NBAS: variants seen among roughly 807,000 people sequenced by gnomAD.
NBAS encodes the protein NAG/BC035112 fusion.
NBAS carries 219 observed loss-of-function variants against 302.5 expected under a neutral mutation model. The ratio of observed to expected loss-of-function variants is 0.72; its 90% confidence interval spans 0.65 to 0.81. NBAS has a LOEUF of 0.81. NBAS is among the 30% of genes least tolerant of loss of function. The probability of loss-of-function intolerance (pLI) is 0.00; values close to 1 mark genes in which losing one functional copy is unlikely to be tolerated. For missense variants in NBAS, 2,932 were observed against 2,841.6 expected (o/e 1.03, Z -0.72); for synonymous variants, 1,118 against 1,021.6 (o/e 1.09, Z -1.80).
chr2:15,547,629 C>T lies in NBAS; in HGVS notation c.379+3864G>A, dbSNP rs187965226. 7.4e-4 allele frequency among the ~76,000 whole-genome samples: 113 copies of T among 152,182 alleles called. 1 individual carries two copies. Among genetic ancestry groups the T allele is most frequent in the Non-Finnish European group, 1.5e-3 (99 of 68,016 alleles). On this transcript the variant is annotated intron_variant, in intron 6 of 51. Transcript: ENST00000281513. ...CTGGCTAGGAGCAGGTATCTAATGC[C>T]GAAGCTCAAAAGAACCCTGTATATC...
the NBAS span, among the ~76,000 whole-genome samples, chr2:15,089,200 A>T: frequency 2.6e-5 from 4 of 151,882 alleles, no homozygotes; most frequent in African/African-American, 9.7e-5. Flanking sequence ...CAGGCTGGTC[A>T]TGAACTCCTG....
At chr2:15,453,904 G>A (rs765859432) in intron 21 of NBAS, among the ~76,000 whole-genome samples, 61 of 151,896 alleles carry the variant, frequency 4.0e-4, no homozygotes, top group Non-Finnish European at 8.2e-4. Context: ...TCAGCCTCTG[G>A]AGTAGTTGGG....
chr2:15,420,098 T>C (rs1677140027), intron 23 of NBAS, among the ~76,000 whole-genome samples: 1 of 152,162 alleles, frequency 6.6e-6, no homozygotes, highest in South Asian at 2.1e-4. Flanking sequence ...CTGCAGACTC[T>C]CTTCTAGTAA....
intron 17 of NBAS, 125 bp downstream of exon 17, chr2:15,468,257 A>T: frequency 8.6e-7 from 1 of 1,169,058 alleles, no homozygotes; most frequent in Non-Finnish European, 1.3e-6. Flanking sequence ...GACAGTATTG[A>T]TCAAAAGCAA....
At chr2:15,210,764 A>G (rs1181853486) in intron 48 of NBAS, among the ~76,000 whole-genome samples, 1 of 152,216 alleles carries the variant, frequency 6.6e-6, no homozygotes, top group Non-Finnish European at 1.5e-5. Context: ...AATGTGGTAC[A>G]TATATACAAT....
At chr2:15,237,560 ATATTTATTTATTTATTTATTTATTTATT>A (rs35617829) in intron 45 of NBAS, among the ~76,000 whole-genome samples, 7 of 139,926 alleles carry the variant, frequency 5.0e-5, no homozygotes, top group East Asian at 2.1e-4. Flanking sequence ...GAAAATCAAA[ATATTTATTTATTTATTTATTTATTTATT>A]TATTTATTTA....
At chr2:15,195,546 G>A (rs1483992241) in intron 48 of NBAS, among the ~76,000 whole-genome samples, 2 of 152,148 alleles carry the variant, frequency 1.3e-5, no homozygotes, top group African/African-American at 4.8e-5. Flanking sequence ...AGGCAGACAT[G>A]AGCAGGGTAG....
intron 44 of NBAS, among the ~76,000 whole-genome samples, chr2:15,249,637 G>C (rs1257626260): frequency 6.6e-6 from 1 of 152,136 alleles, no homozygotes; most frequent in Non-Finnish European, 1.5e-5. Context: ...AAATCAATGT[G>C]CAAAAATCAC....
intron 45 of NBAS, among the ~76,000 whole-genome samples, chr2:15,236,029 G>A (rs934470939): frequency 1.3e-5 from 2 of 152,018 alleles, no homozygotes; most frequent in African/African-American, 4.8e-5. Context: ...ACTATAAAAG[G>A]GATAAATGCA....
At chr2:15,125,375 G>T in the NBAS span, among the ~76,000 whole-genome samples, 1 of 152,126 alleles carries the variant, frequency 6.6e-6, no homozygotes, top group Admixed American at 6.5e-5. Flanking sequence ...GGGCAAGGAA[G>T]AGAGGGGAGA....
chr2:15,507,348 T>C (rs1258006468), intron 10 of NBAS, among the ~76,000 whole-genome samples: 1 of 152,156 alleles, frequency 6.6e-6, no homozygotes, highest in East Asian at 1.9e-4. Flanking sequence ...GGATTTCTCG[T>C]GGAAATAGGA....
rs574375004 is a variant in NBAS, at chr2:15,396,755, C to A, written c.3072-280G>T. Among the ~76,000 whole-genome samples the A allele has an allele frequency of 9.9e-5, 15 of 151,884 alleles. No individual in the cohort carries two copies. In the South Asian group the frequency reaches 3.1e-3, roughly 32 times the overall value. Reference sequence around the variant, plus strand: ...CTTAAAGGTAAAAAAATATATAAATCGATTGTTTATTTAAGATGAGGTAAA... The same window carrying A: ...CTTAAAGGTAAAAAAATATATAAATAGATTGTTTATTTAAGATGAGGTAAA... On this transcript the variant is annotated intron_variant, in intron 26 of 51. Coordinates refer to ENST00000281513, the MANE Select transcript of NBAS (RefSeq NM_015909.4).
At chr2:14,985,542 T>C in the NBAS span, among the ~76,000 whole-genome samples, 1 of 152,018 alleles carries the variant, frequency 6.6e-6, no homozygotes, top group African/African-American at 2.4e-5. Context: ...TGGACAAGAG[T>C]GTATAAAAAA....
chr2:14,992,891 A>T, the NBAS span, among the ~76,000 whole-genome samples: 1 of 152,198 alleles, frequency 6.6e-6, no homozygotes, highest in Non-Finnish European at 1.5e-5. Context: ...CACACACCAC[A>T]GCAATGCACC....
intron 35 of NBAS, among the ~76,000 whole-genome samples, chr2:15,346,036 C>T (rs896670401): frequency 1.3e-5 from 2 of 152,114 alleles, no homozygotes; most frequent in Non-Finnish European, 2.9e-5. Flanking sequence ...AAATGTAAAA[C>T]CCAAAACCAT....
the NBAS span, among the ~76,000 whole-genome samples, chr2:15,039,139 A>T: frequency 6.6e-6 from 1 of 152,200 alleles, no homozygotes; most frequent in Non-Finnish European, 1.5e-5. Context: ...GCTTATCTGC[A>T]CTTGAAACTT....
chr2:15,523,249 G>A (rs879880034), intron 9 of NBAS, among the ~76,000 whole-genome samples: 66 of 152,202 alleles, frequency 4.3e-4, no homozygotes, highest in African/African-American at 1.4e-3. Context: ...GCAATTTCCC[G>A]GAGAGACTAA....
At chr2:15,504,398 C>G (rs1045183642) in intron 10 of NBAS, among the ~76,000 whole-genome samples, 185 bp from the exon 11 acceptor site, 2 of 151,788 alleles carry the variant, frequency 1.3e-5, no homozygotes, top group Admixed American at 6.6e-5. Context: ...AAAAAATCCA[C>G]CAAGTGGTAC....
At chr2:14,807,646 A>G in the NBAS span, among the ~76,000 whole-genome samples, 1 of 152,164 alleles carries the variant, frequency 6.6e-6, no homozygotes, top group Non-Finnish European at 1.5e-5. Context: ...CTATTTTAAA[A>G]CATGTAGTAC....
Sources: allele counts gnomAD v4.1 joint callset (sites outside exome capture counted in the v4.1 genomes callset), GRCh38; gene constraint gnomAD v4.1.1; transcripts MANE v1.5; gene names NCBI Gene and HGNC (gene_info 2026-07-23, HGNC 2026-07-21).